The following SMCO1 variants were observed in gnomAD, a reference collection of about 807,000 sequenced individuals.
SMCO1 encodes the protein single-pass membrane and coiled-coil domain-containing protein 1.
Under a neutral mutation model 7.5 loss-of-function variants are expected in SMCO1, and 9 were observed. The ratio of observed to expected loss-of-function variants is 1.20; its 90% CI spans 0.72 to 2.09. SMCO1 has a LOEUF of 2.09. Ranked by LOEUF, SMCO1 falls within the 30% of genes most tolerant of loss-of-function variation. The probability of loss-of-function intolerance (pLI) is 0.00; values close to 1 mark genes in which losing one functional copy is unlikely to be tolerated. For missense variants in SMCO1, 219 were observed against 253.1 expected (o/e 0.87, Z 0.91); for synonymous variants, 90 against 93.8 (o/e 0.96, Z 0.23).
Position 196,515,272 on chromosome 3 carries a change from G to T in SMCO1, c.-63C>A. On this transcript the variant is annotated 5_prime_UTR_variant, in exon 1 of 3. Transcript: ENST00000397537. ...AAAACAAAAAAAGCAATAAATGTTTGAATCCAGAATTTTCTGCGGTCTTCC... is the reference window on the plus strand; with the variant it reads ...AAAACAAAAAAAGCAATAAATGTTTTAATCCAGAATTTTCTGCGGTCTTCC... 3 of 1,331,590 alleles carry T rather than the reference G, an allele frequency of 2.3e-6. No homozygotes were observed. Among genetic ancestry groups the T allele is most frequent in the South Asian group, 2.4e-5 (2 of 85,016 alleles). 82.5% of individuals were successfully genotyped at this position (1,331,590 alleles called of 1,614,324 possible). A position where few individuals can be genotyped will look rare whatever the true frequency, so the allele number is the denominator to read the frequency against.
rs1733069994 is a variant in SMCO1, at chr3:196,507,253, T to A, written c.*634A>T. On this transcript the variant is annotated 3_prime_UTR_variant, in exon 3 of 3. Coordinates refer to ENST00000397537, the MANE Select transcript of SMCO1 (RefSeq NM_001077657.3). Reference sequence around the variant, plus strand: ...AAGGTTGAGTTTCACCAGGGACCCCTCCCTGTCTGCCTAGGAATTTACCTG... The same window carrying A: ...AAGGTTGAGTTTCACCAGGGACCCCACCCTGTCTGCCTAGGAATTTACCTG... 6.6e-6 allele frequency: 1 copy of A among 152,224 alleles called. No individual in the cohort carries two copies. The highest frequency in any genetic ancestry group is 2.4e-5 in the African/African-American group (1 of 41,394). The allele number at this position is 152,224 out of a possible 1,614,324, so 9.4% of individuals were successfully genotyped here.
At chr3:196,515,413 T>C, upstream of SMCO1, 1 of 564,532 alleles carries the variant, frequency 1.8e-6, no homozygotes. Context: ...AAAGAACTTA[T>C]CTCGTGGACA....
At chr3:196,518,638 G>A (rs1201660513), upstream of SMCO1, among the ~76,000 whole-genome samples, 4 of 150,878 alleles carry the variant, frequency 2.7e-5, no homozygotes, top group African/African-American at 7.3e-5. Context: ...CCTAGACAAC[G>A]TAGCCATGTC....
At chr3:196,517,707 T>C (rs1364112027), upstream of SMCO1, among the ~76,000 whole-genome samples, 1 of 152,160 alleles carries the variant, frequency 6.6e-6, no homozygotes, top group African/African-American at 2.4e-5. Context: ...TCTCACTCTG[T>C]TGCCCAGGCT....
upstream of SMCO1, among the ~76,000 whole-genome samples, chr3:196,517,104 C>CGAA (rs774749663): frequency 7.3e-4 from 26 of 35,736 alleles, no homozygotes; most frequent in African/African-American, 4.2e-3. Flanking sequence ...GACTCCATCG[C>CGAA]AAAAAAAAAA....
At chr3:196,518,394 G>A (rs141053331), upstream of SMCO1, among the ~76,000 whole-genome samples, 45 of 152,342 alleles carry the variant, frequency 3.0e-4, no homozygotes, top group African/African-American at 1.1e-3. Context: ...CACTCTACGT[G>A]TGTCTATGTT....
At chr3:196,514,131 T>C (rs536436876) in intron 1 of SMCO1, among the ~76,000 whole-genome samples, 29 of 152,300 alleles carry the variant, frequency 1.9e-4, no homozygotes, top group African/African-American at 7.0e-4. Context: ...ATTCCGATTC[T>C]GTGACTCAAC....
chr3:196,515,804 C>T (rs1733368240), upstream of SMCO1, among the ~76,000 whole-genome samples: 1 of 150,768 alleles, frequency 6.6e-6, no homozygotes, highest in Non-Finnish European at 1.5e-5. Flanking sequence ...AATTCAAGAC[C>T]AGCCTGGGCC....
Position 196,515,315 on chromosome 3 carries a change from A to G in SMCO1, c.-106T>C. The G allele has an allele frequency of 1.2e-6, 1 of 808,528 alleles. No homozygotes were observed. Among genetic ancestry groups the G allele is most frequent in the East Asian group, 2.4e-5 (1 of 40,974 alleles). 50.1% of individuals were successfully genotyped at this position (808,528 alleles called of 1,614,324 possible). A position where few individuals can be genotyped will look rare whatever the true frequency, so the allele number is the denominator to read the frequency against. ...GGTCTTCCTCTCAGCAACAGGCAGC[A>G]GTAGCAGGAGCGCTCAGTCTACATT... On this transcript the variant is annotated 5_prime_UTR_variant, in exon 1 of 3. Transcript: ENST00000397537.
At chr3:196,516,151 G>T (rs1053928728), upstream of SMCO1, among the ~76,000 whole-genome samples, 1 of 146,986 alleles carries the variant, frequency 6.8e-6, no homozygotes, top group South Asian at 2.1e-4. Context: ...TATAAATGTG[G>T]AAATAAAATA....
intron 1 of SMCO1, among the ~76,000 whole-genome samples, chr3:196,512,448 C>T (rs1577535361): frequency 6.6e-6 from 1 of 152,114 alleles, no homozygotes; most frequent in African/African-American, 2.4e-5. Flanking sequence ...TAAATTTCTC[C>T]CTAGGCTAAT....
At position 196,509,683 on chromosome 3, in the gene SMCO1, G is replaced by T. The variant is rs373665573; in HGVS notation, c.51-14C>A. On this transcript the variant is annotated splice_polypyrimidine_tract_variant and intron_variant, in intron 1 of 2. Transcript: ENST00000397537. ...TTGTGGTCTACTCTGTAGGATAACA[G>T]AATCAAGGGTTAGTTTAGGTTACAG... is the stretch of plus-strand genomic sequence containing the variant. 5.2e-5 allele frequency: 83 copies of T among 1,606,094 alleles called. No homozygotes were observed. The highest frequency in any genetic ancestry group is 6.6e-5 in the Non-Finnish European group (77 of 1,174,390).
At chr3:196,508,586 C>T (rs1008926152) in intron 2 of SMCO1, among the ~76,000 whole-genome samples, 3 of 151,680 alleles carry the variant, frequency 2.0e-5, no homozygotes, top group Admixed American at 2.0e-4. Context: ...CCTCGGCTTC[C>T]CAGAGTGCTG....
intron 2 of SMCO1, 130 bp downstream of exon 2, chr3:196,509,390 A>G (rs1047148949): frequency 1.2e-6 from 1 of 847,202 alleles, no homozygotes; most frequent in Admixed American, 3.0e-5. Flanking sequence ...AAAAAAATAA[A>G]TGAACCTAAG....
chr3:196,507,982 T>C lies in SMCO1; in HGVS notation c.550A>G (p.Arg184Gly). ...KNQALQDSLLRAVQVIEKGKA... is the reference protein window; with the variant it reads ...KNQALQDSLLGAVQVIEKGKA... Reference sequence around the variant, plus strand: ...CCCTTCTCAATTACCTGCACAGCCCTCAGCAAACTGTCCTGCAGAGCCTGG... The same window carrying C: ...CCCTTCTCAATTACCTGCACAGCCCCCAGCAAACTGTCCTGCAGAGCCTGG... Residue 184 changes from arginine (R) to glycine (G), a missense_variant, in exon 3 of 3, where the codon AGG becomes GGG. Physicochemically the swap from Arg to Gly is moderately radical, Grantham distance 125. Transcript: ENST00000397537. 3 of 1,614,158 alleles carry C rather than the reference T, an allele frequency of 1.9e-6. No homozygotes were observed. The highest frequency in any genetic ancestry group is 2.5e-6 in the Non-Finnish European group (3 of 1,180,030).
chr3:196,514,997 C>G (rs2108664174), intron 1 of SMCO1, 163 bp downstream of exon 1: 1 of 807,392 alleles, frequency 1.2e-6, no homozygotes, highest in South Asian at 1.5e-5. Context: ...ACCTCGGCCT[C>G]CCAGTGTGCT....
upstream of SMCO1, among the ~76,000 whole-genome samples, chr3:196,516,090 AATAT>A (rs1211314976): frequency 1.4e-5 from 2 of 141,666 alleles, no homozygotes; most frequent in Non-Finnish European, 3.0e-5. Flanking sequence ...TCGTATATAA[AATAT>A]ATATATAATT....
chr3:196,515,907 G>C (rs1733369926), upstream of SMCO1, among the ~76,000 whole-genome samples: 1 of 146,564 alleles, frequency 6.8e-6, no homozygotes, highest in African/African-American at 2.5e-5. Flanking sequence ...GCTGAAGTGG[G>C]AGGACTGCTT....
chr3:196,512,241 C>T (rs924701344), intron 1 of SMCO1, among the ~76,000 whole-genome samples: 3 of 147,304 alleles, frequency 2.0e-5, no homozygotes, highest in South Asian at 2.2e-4. Flanking sequence ...CCTAGATTGT[C>T]GTTATGAGGG....
Sources: allele counts gnomAD v4.1 joint callset (sites outside exome capture counted in the v4.1 genomes callset), GRCh38; gene constraint gnomAD v4.1.1; transcripts MANE v1.5; gene names NCBI Gene and HGNC (gene_info 2026-07-23, HGNC 2026-07-21).